Variants in FMO1 observed in about 807,000 individuals in gnomAD.
FMO1 encodes flavin containing dimethylaniline monoxygenase 1, also known as flavin-containing monooxygenase 1.
FMO1 carries 36 observed loss-of-function variants against 45.4 expected under a neutral mutation model. That is an observed-to-expected ratio of 0.79 (90% confidence interval 0.61 to 1.05). The LOEUF (loss-of-function observed/expected upper bound fraction) is 1.05. FMO1 is among the 50% of genes least tolerant of loss of function. FMO1 has a pLI of 0.00. For synonymous variants in FMO1, 228 were observed against 227.2 expected (o/e 1.00, Z -0.03); for missense variants, 615 against 640.3 (o/e 0.96, Z 0.43).
chr1:171,276,864 T>A (rs901105526), intron 4 of FMO1, among the ~76,000 whole-genome samples: 5 of 152,172 alleles, frequency 3.3e-5, no homozygotes, highest in Non-Finnish European at 7.4e-5. Flanking sequence ...TATGCTCAGT[T>A]TGAGTAGAAG....
chr1:171,282,333 G>A lies in FMO1; in HGVS notation c.1183G>A (p.Gly395Ser), dbSNP rs1315594747. The change falls in exon 7 of 9, where the codon GGT becomes AGT. Residue 395 changes from glycine to serine, a missense_variant and splice_region_variant. Physicochemically the swap from Gly to Ser is moderately conservative, Grantham distance 56. Transcript: ENST00000617670. ...TCGGTGGGCTGTTCGAGTCCTGAAA[G>A]GTAAGTATAAGAAATAGCAGGGCAT... ...QARWAVRVLKGVNKLPPPSVM... is the reference protein window; with the variant it reads ...QARWAVRVLKSVNKLPPPSVM... 23 of 1,600,110 alleles carry A rather than the reference G, an allele frequency of 1.4e-5. No individual in the cohort carries two copies. Among genetic ancestry groups the A allele is most frequent in the Non-Finnish European group, 1.9e-5 (22 of 1,170,022 alleles).
chr1:171,263,656 A>G (rs1660476912), intron 2 of FMO1, among the ~76,000 whole-genome samples: 1 of 151,848 alleles, frequency 6.6e-6, no homozygotes, highest in East Asian at 1.9e-4. Context: ...CTACTCACTC[A>G]TTTTTCTCTT....
intron 3 of FMO1, among the ~76,000 whole-genome samples, chr1:171,268,241 C>T (rs1034870477): frequency 6.6e-6 from 1 of 152,142 alleles, no homozygotes; most frequent in Non-Finnish European, 1.5e-5. Flanking sequence ...TGCACACCAC[C>T]ACACCCAGCT....
At chr1:171,267,276 C>T (rs2101815639) in intron 2 of FMO1, among the ~76,000 whole-genome samples, 1 of 152,328 alleles carries the variant, frequency 6.6e-6, no homozygotes, top group Non-Finnish European at 1.5e-5. Flanking sequence ...GCATAACCTT[C>T]CTGTAAAATC....
chr1:171,280,979 A>G lies in FMO1; in HGVS notation c.821A>G (p.Glu274Gly). ...CATGCAAATTACGGCTTAATACCAGAAGACAGGTAAATATAATGTGACTGC... is the reference window on the plus strand; with the variant it reads ...CATGCAAATTACGGCTTAATACCAGGAGACAGGTAAATATAATGTGACTGC... ...LNHANYGLIP[E>G]DRTQLKEFVL... Residue 274 changes from glutamate to glycine, a missense_variant, in exon 6 of 9, where the codon GAA becomes GGA. Glu to Gly is a moderately conservative substitution (Grantham distance 98). Coordinates refer to ENST00000617670, the MANE Select transcript of FMO1 (RefSeq NM_001282693.2). The G allele has an allele frequency of 6.2e-7, 1 of 1,613,432 alleles. No individual in the cohort carries two copies. Among genetic ancestry groups the G allele is most frequent in the Non-Finnish European group, 8.5e-7 (1 of 1,179,498 alleles).
intron 1 of FMO1, among the ~76,000 whole-genome samples, chr1:171,255,726 T>C (rs540267540): frequency 6.2e-4 from 94 of 152,226 alleles, no homozygotes; most frequent in Non-Finnish European, 8.8e-4. Flanking sequence ...CCTCACCCTC[T>C]TTCTCATCCC....
chr1:171,283,265 TAAAAAAAAAAAAAAAAAAAA>T (rs35331306), intron 8 of FMO1, 49 bp downstream of exon 8: 28 of 74,724 alleles, frequency 3.7e-4, no homozygotes, highest in South Asian at 1.3e-3. Flanking sequence ...CTGAAATTGG[TAAAAAAAAAAAAAAAAAAAA>T]AAAAAAAAAA....
At chr1:171,253,264 G>A (rs1427987704) in intron 1 of FMO1, among the ~76,000 whole-genome samples, 2 of 152,052 alleles carry the variant, frequency 1.3e-5, no homozygotes, top group Non-Finnish European at 2.9e-5. Context: ...TTTACCCCAT[G>A]GCTCTGATTC....
At chr1:171,276,127 G>A (rs1661097539) in intron 4 of FMO1, among the ~76,000 whole-genome samples, 1 of 152,062 alleles carries the variant, frequency 6.6e-6, no homozygotes, top group Admixed American at 6.6e-5. Flanking sequence ...AAAATGAAAT[G>A]GTTTGGTTTA....
At chr1:171,258,356 G>A (rs1169895793) in intron 2 of FMO1, 137 bp downstream of exon 2, 2 of 1,003,292 alleles carry the variant, frequency 2.0e-6, no homozygotes, top group African/African-American at 3.2e-5. Flanking sequence ...GGACCATGAG[G>A]AGCCACTGAA....
At chr1:171,277,341 G>A (rs905924537) in intron 4 of FMO1, among the ~76,000 whole-genome samples, 2 of 151,998 alleles carry the variant, frequency 1.3e-5, no homozygotes, top group Admixed American at 1.3e-4. Flanking sequence ...AAAATAATAG[G>A]TATCACAGTT....
chr1:171,285,169 T>C, intron 8 of FMO1, 33 bp from the exon 9 acceptor site: 1 of 1,428,630 alleles, frequency 7.0e-7, no homozygotes, highest in Non-Finnish European at 9.5e-7. Context: ...TTTTTTTGTC[T>C]TCACCTTTTC....
At chr1:171,254,456 A>AC (rs1660058207) in intron 1 of FMO1, among the ~76,000 whole-genome samples, 1 of 152,218 alleles carries the variant, frequency 6.6e-6, no homozygotes, top group African/African-American at 2.4e-5. Flanking sequence ...CACAAAATCA[A>AC]CCCATTGCCA....
chr1:171,265,787 G>T (rs1051152172), intron 2 of FMO1, among the ~76,000 whole-genome samples: 5 of 152,132 alleles, frequency 3.3e-5, no homozygotes, highest in African/African-American at 1.2e-4. Context: ...TACCTAATCT[G>T]GTTTGAATGG....
chr1:171,256,384 A>G (rs1273605716), intron 1 of FMO1, among the ~76,000 whole-genome samples: 1 of 152,136 alleles, frequency 6.6e-6, no homozygotes, highest in East Asian at 1.9e-4. Flanking sequence ...GACTCATGAT[A>G]GAATAGGATT....
chr1:171,263,208 C>T (rs1235130979), intron 2 of FMO1, among the ~76,000 whole-genome samples: 1 of 152,130 alleles, frequency 6.6e-6, no homozygotes, highest in African/African-American at 2.4e-5. Flanking sequence ...AGCCTAGAGG[C>T]ATTGTTCCAT....
intron 3 of FMO1, among the ~76,000 whole-genome samples, chr1:171,273,096 T>C (rs1314639526): frequency 6.6e-6 from 1 of 152,218 alleles, no homozygotes; most frequent in Non-Finnish European, 1.5e-5. Flanking sequence ...GTTCTAGTGA[T>C]AGTGAATAAG....
intron 6 of FMO1, 42 bp downstream of exon 6, chr1:171,281,027 G>T (rs900022906): frequency 6.5e-7 from 1 of 1,539,592 alleles, no homozygotes; most frequent in African/African-American, 1.4e-5. Flanking sequence ...GGAAGAAGGA[G>T]CCTCTGCCTG....
At chr1:171,256,235 T>C (rs1208228913) in intron 1 of FMO1, among the ~76,000 whole-genome samples, 1 of 133,130 alleles carries the variant, frequency 7.5e-6, no homozygotes, top group African/African-American at 3.0e-5. Flanking sequence ...ATCTCACCAC[T>C]GCACTCCAGC....
Sources: gnomAD v4.1 joint callset for allele counts (sites outside exome capture counted in the v4.1 genomes callset) on GRCh38, gnomAD v4.1.1 for gene constraint, MANE v1.5 for transcripts, NCBI Gene and HGNC (gene_info 2026-07-23, HGNC 2026-07-21) for gene names.